Variants in MTHFS observed in about 807,000 individuals in gnomAD.
MTHFS encodes the protein methenyltetrahydrofolate synthetase, also known as 5-formyltetrahydrofolate cyclo-ligase.
Under a neutral mutation model 12.7 loss-of-function variants are expected in MTHFS, and 7 were observed. The ratio of observed to expected loss-of-function variants is 0.55; its 90% CI spans 0.31 to 1.03. The LOEUF is 1.03. Among genes scored for constraint, MTHFS ranks in the 50% least tolerant of loss-of-function variants. MTHFS has a pLI of 0.05. For missense variants in MTHFS, 252 were observed against 258.1 expected, an observed-to-expected ratio of 0.98 and a Z score of 0.16; for synonymous variants, 100 against 97.1, an observed-to-expected ratio of 1.03 and a Z score of -0.18.
At chr15:79,870,501 T>G (rs2034083221) in intron 2 of MTHFS, among the ~76,000 whole-genome samples, 1 of 152,180 alleles carries the variant, frequency 6.6e-6, no homozygotes, top group Admixed American at 6.5e-5. Context: ...TCTATCCTAT[T>G]CAAGAATTCA....
chr15:79,873,989 A>G (rs1247914738), intron 2 of MTHFS, among the ~76,000 whole-genome samples: 1 of 152,190 alleles, frequency 6.6e-6, no homozygotes, highest in Non-Finnish European at 1.5e-5. Context: ...GATCTGAGAG[A>G]GCTTGGCAGA....
At chr15:79,859,687 G>A (rs1405935875) in intron 2 of MTHFS, among the ~76,000 whole-genome samples, 5 of 151,914 alleles carry the variant, frequency 3.3e-5, no homozygotes, top group African/African-American at 7.2e-5. Context: ...GCATAATGGC[G>A]GGAGCCTGTA....
At chr15:79,875,756 T>G (rs145894975) in intron 2 of MTHFS, among the ~76,000 whole-genome samples, 76 of 152,164 alleles carry the variant, frequency 5.0e-4, no homozygotes, top group African/African-American at 1.8e-3. Context: ...TGCTTCAAAG[T>G]TCACCATCAA....
intron 1 of MTHFS, among the ~76,000 whole-genome samples, chr15:79,894,616 T>A (rs1299855499): frequency 1.3e-5 from 2 of 152,202 alleles, no homozygotes; most frequent in Non-Finnish European, 2.9e-5. Flanking sequence ...AATTCTAATC[T>A]TCTACGGAGA....
rs141217039 is a variant in MTHFS, at chr15:79,850,162, A to G, written c.380-4720T>C. ...TCACAACAATTGTATTTATTAGGAT[A>G]CCTTTCTATTTTTTTAAAAAGAAAT... On this transcript the variant is annotated intron_variant, in intron 2 of 2. Coordinates refer to ENST00000258874, the MANE Select transcript of MTHFS (RefSeq NM_006441.4). 2.5e-3 allele frequency among the ~76,000 whole-genome samples: 385 copies of G among 152,302 alleles called. 1 individual carries two copies. The highest frequency in any genetic ancestry group is 4.7e-3 in the Non-Finnish European group (321 of 68,008).
chr15:79,855,999 G>A (rs1479140862), intron 2 of MTHFS, among the ~76,000 whole-genome samples: 3 of 152,040 alleles, frequency 2.0e-5, no homozygotes, highest in Non-Finnish European at 4.4e-5. Context: ...TGTCTTTATG[G>A]TTGAACGATT....
At chr15:79,896,655 C>T in intron 1 of MTHFS, 2 of 838,192 alleles carry the variant, frequency 2.4e-6, no homozygotes, top group Non-Finnish European at 1.7e-6. Flanking sequence ...AGCCCCACAA[C>T]TTTCACTACC....
At chr15:79,851,235 C>T (rs531444477) in intron 2 of MTHFS, among the ~76,000 whole-genome samples, 1 of 152,088 alleles carries the variant, frequency 6.6e-6, no homozygotes, top group Non-Finnish European at 1.5e-5. Flanking sequence ...TTTGGTGTGA[C>T]CAGCTCTTAT....
At chr15:79,847,412 C>T (rs765313764) in intron 2 of MTHFS, among the ~76,000 whole-genome samples, 27 of 152,164 alleles carry the variant, frequency 1.8e-4, no homozygotes, top group Non-Finnish European at 2.8e-4. Flanking sequence ...AGGATGGGCA[C>T]GGTGGCTCAT....
At chr15:79,864,375 T>C (rs1202483882) in intron 2 of MTHFS, among the ~76,000 whole-genome samples, 1 of 151,644 alleles carries the variant, frequency 6.6e-6, no homozygotes, top group Admixed American at 6.6e-5. Flanking sequence ...TGAAACCCCA[T>C]ATCTACTAAA....
In MTHFS at chr15:79,843,895, G is replaced by A. The variant is rs1414694532; in HGVS notation, c.*1315C>T. 6.6e-6 allele frequency: 1 copy of A among 152,272 alleles called. No individual in the cohort carries two copies. Among genetic ancestry groups the A allele is most frequent in the Non-Finnish European group, 1.5e-5 (1 of 68,058 alleles). 9.4% of individuals were successfully genotyped at this position (152,272 alleles called of 1,614,324 possible). A position where few individuals can be genotyped will look rare whatever the true frequency, so the allele number is the denominator to read the frequency against. ...AAGTAGCAGAAGACTTCACAGAAGAGGTGATGCTAGGGCTGAGTCTTCAAG... is the reference window on the plus strand; with the variant it reads ...AAGTAGCAGAAGACTTCACAGAAGAAGTGATGCTAGGGCTGAGTCTTCAAG... On this transcript the variant is annotated 3_prime_UTR_variant, in exon 3 of 3. Coordinates refer to ENST00000258874, the MANE Select transcript of MTHFS (RefSeq NM_006441.4).
At chr15:79,869,276 A>G (rs747840129) in intron 2 of MTHFS, among the ~76,000 whole-genome samples, 3 of 152,244 alleles carry the variant, frequency 2.0e-5, no homozygotes, top group Non-Finnish European at 2.9e-5. Flanking sequence ...AGATGGGGAG[A>G]AGGACCAGTC....
intron 1 of MTHFS, among the ~76,000 whole-genome samples, chr15:79,896,463 A>T (rs2034569599): frequency 6.6e-6 from 1 of 152,182 alleles, no homozygotes; most frequent in South Asian, 2.1e-4. Context: ...GGCCTCACTG[A>T]GGGAACCTGG....
At chr15:79,854,193 A>C (rs2033761592) in intron 2 of MTHFS, among the ~76,000 whole-genome samples, 1 of 152,210 alleles carries the variant, frequency 6.6e-6, no homozygotes, top group South Asian at 2.1e-4. Context: ...ATGGTGAGGG[A>C]CAGAAGGCAC....
At chr15:79,857,358 T>C (rs1045025840) in intron 2 of MTHFS, among the ~76,000 whole-genome samples, 1 of 152,134 alleles carries the variant, frequency 6.6e-6, no homozygotes, top group Non-Finnish European at 1.5e-5. Context: ...TTTAGTAAAA[T>C]GGAAACTTCT....
intron 2 of MTHFS, among the ~76,000 whole-genome samples, chr15:79,865,325 T>C (rs2033990462): frequency 6.6e-6 from 1 of 152,150 alleles, no homozygotes; most frequent in Non-Finnish European, 1.5e-5. Context: ...GAAAACAAAC[T>C]TGGGAAAAAT....
chr15:79,883,833 C>T (rs909611973), intron 2 of MTHFS, among the ~76,000 whole-genome samples: 4 of 152,194 alleles, frequency 2.6e-5, no homozygotes, highest in Non-Finnish European at 5.9e-5. Context: ...AAACTCAGAT[C>T]AGTCTGACTC....
At chr15:79,850,810 G>A (rs1019582747) in intron 2 of MTHFS, among the ~76,000 whole-genome samples, 2 of 151,764 alleles carry the variant, frequency 1.3e-5, no homozygotes, top group African/African-American at 4.8e-5. Context: ...AGTAGGCCTC[G>A]AAAAAAAATG....
Position 79,889,220 on chromosome 15 carries a change from C to T in MTHFS, c.252G>A (p.Arg84=). 6.2e-7 allele frequency: 1 copy of T among 1,614,168 alleles called. No homozygotes were observed. Residue 84 remains arginine, a synonymous_variant, in exon 2 of 3, where the codon CGG becomes CGA. Coordinates refer to ENST00000258874, the MANE Select transcript of MTHFS (RefSeq NM_006441.4). ...RGKICFIPRY[R]FQSNHMDMVR... ...CCATATCCATGTGATTGCTCTGGAA[C>T]CGGTACCGAGGGATGAAGCAGATTT...
Sources: gnomAD v4.1 joint callset for allele counts (sites outside exome capture counted in the v4.1 genomes callset) on GRCh38, gnomAD v4.1.1 for gene constraint, MANE v1.5 for transcripts, NCBI Gene and HGNC (gene_info 2026-07-23, HGNC 2026-07-21) for gene names.